CRAMP1: variants seen among roughly 807,000 people sequenced by gnomAD.
The protein encoded by CRAMP1 is cramped chromatin regulator 1.
CRAMP1 carries 50 observed loss-of-function variants against 115.4 expected under a neutral mutation model. The observed-to-expected ratio is 0.43, with a 90% confidence interval of 0.35 to 0.55. The LOEUF (loss-of-function observed/expected upper bound fraction) is 0.55, where lower values mean the gene tolerates loss of function less well. CRAMP1 is among the 20% of genes least tolerant of loss of function. The pLI is 0.01. For synonymous variants in CRAMP1, 866 were observed against 745.4 expected (o/e 1.16, Z -2.64); for missense variants, 1,679 against 1,721.7 (o/e 0.98, Z 0.44).
chr16:1,633,078 C>T (rs1007396104), intron 4 of CRAMP1, among the ~76,000 whole-genome samples: 3 of 152,242 alleles, frequency 2.0e-5, no homozygotes, highest in Non-Finnish European at 4.4e-5. Context: ...ACCCCTCTGC[C>T]TTCTGAGCCT....
rs2036901923 is a variant in CRAMP1 at position 1,669,212 on chromosome 16, G to C, written c.3499+47G>C. The stretch of plus-strand genomic sequence containing the variant: ...CCATCTCCTTTTCCAGGGCAGCAGG[G>C]GCTGGGGTCTGCGGGACACTGGATT... On this transcript the variant is annotated intron_variant, in intron 19 of 20. Coordinates refer to ENST00000397412, the MANE Select transcript of CRAMP1 (RefSeq NM_020825.4). This position sits in a 1 kb window ranked among gnomAD's most constrained non-coding sequence, Gnocchi z 4.6. 1.4e-6 allele frequency: 2 copies of C among 1,447,226 alleles called. No individual in the cohort carries two copies. The highest frequency in any genetic ancestry group is 1.9e-6 in the Non-Finnish European group (2 of 1,076,506). The allele number at this position is 1,447,226 out of a possible 1,614,324, so 89.6% of individuals were successfully genotyped here. A position where few individuals can be genotyped will look rare whatever the true frequency, so the allele number is the denominator to read the frequency against.
chr16:1,655,597 G>C (rs942773134), intron 9 of CRAMP1, among the ~76,000 whole-genome samples: 1 of 152,162 alleles, frequency 6.6e-6, no homozygotes, highest in Non-Finnish European at 1.5e-5. Flanking sequence ...TGAGCAAAAC[G>C]ACCAAGGGTC....
rs947619230 is a variant in CRAMP1 at position 1,670,745 on chromosome 16, C to T, written c.3581C>T (p.Pro1194Leu). The change falls in exon 20 of 21, where the codon CCC becomes CTC. Residue 1194 changes from proline (P) to leucine (L), a missense_variant. Pro to Leu is a moderately conservative substitution (Grantham distance 98, BLOSUM62 -3). This residue lies in a region of CRAMP1 where 709 missense variants were observed against 741.9 expected (regional missense o/e 0.96). Coordinates refer to ENST00000397412, the MANE Select transcript of CRAMP1 (RefSeq NM_020825.4). ...GTNSGTSLLG[P>L]SLLDGNSRDS... ...AACAGTGGCACTTCCTTGCTTGGCCCCAGCTTGTTGGATGGAAACTCGCGG... is the reference window on the plus strand; with the variant it reads ...AACAGTGGCACTTCCTTGCTTGGCCTCAGCTTGTTGGATGGAAACTCGCGG... 1 of 1,613,892 alleles carries T rather than the reference C, an allele frequency of 6.2e-7. No homozygotes were observed. Among genetic ancestry groups the T allele is most frequent in the East Asian group, 2.2e-5 (1 of 44,890 alleles).
intron 10 of CRAMP1, among the ~76,000 whole-genome samples, chr16:1,658,520 C>G (rs913811687): frequency 6.6e-6 from 1 of 152,024 alleles, no homozygotes; most frequent in Non-Finnish European, 1.5e-5. Flanking sequence ...CCCCTGGGAG[C>G]TAGTTAGGGA....
intron 14 of CRAMP1, chr16:1,665,653 A>G (rs561555069): frequency 5.4e-5 from 12 of 221,738 alleles, no homozygotes; most frequent in South Asian, 1.6e-4. Flanking sequence ...ACAGCTGTCA[A>G]TTGCTTTTTC....
At chr16:1,622,295 C>A (rs577573798) in intron 2 of CRAMP1, among the ~76,000 whole-genome samples, 26 of 152,312 alleles carry the variant, frequency 1.7e-4, no homozygotes, top group African/African-American at 6.3e-4. Context: ...GGAGGATTAT[C>A]TGAGTTCAGG....
chr16:1,659,589 G>A (rs1334796939), intron 10 of CRAMP1, among the ~76,000 whole-genome samples: 2 of 152,020 alleles, frequency 1.3e-5, no homozygotes, highest in Admixed American at 6.5e-5. Flanking sequence ...GCGTTTCACC[G>A]TGTTAGCCAG....
chr16:1,664,608 G>A (rs916485004), intron 13 of CRAMP1, among the ~76,000 whole-genome samples: 4 of 152,148 alleles, frequency 2.6e-5, no homozygotes, highest in African/African-American at 7.2e-5. Context: ...GAGAAACCCC[G>A]TCTCTACTAA....
At chr16:1,623,053 C>T (rs559385923) in intron 2 of CRAMP1, among the ~76,000 whole-genome samples, 10 of 152,204 alleles carry the variant, frequency 6.6e-5, no homozygotes, top group South Asian at 4.1e-4. Flanking sequence ...CCCACCACCA[C>T]GCCCGGTTAA....
At chr16:1,619,721 A>T (rs1276383862) in intron 2 of CRAMP1, among the ~76,000 whole-genome samples, 3 of 152,200 alleles carry the variant, frequency 2.0e-5, no homozygotes. Context: ...CGCTGGTCAG[A>T]GCATGCAGGA....
intron 2 of CRAMP1, among the ~76,000 whole-genome samples, chr16:1,623,577 G>A (rs953960686): frequency 2.0e-5 from 3 of 152,250 alleles, no homozygotes; most frequent in South Asian, 2.1e-4. Flanking sequence ...GGGCTGGTTA[G>A]CAAGTTGTGG....
chr16:1,631,252 C>G (rs993511883), intron 3 of CRAMP1, among the ~76,000 whole-genome samples: 1 of 152,260 alleles, frequency 6.6e-6, no homozygotes, highest in African/African-American at 2.4e-5. Context: ...CAGATGTTGG[C>G]TTTATTCTGG....
intron 6 of CRAMP1, among the ~76,000 whole-genome samples, chr16:1,646,623 G>C (rs781638980): frequency 9.9e-5 from 15 of 152,130 alleles, no homozygotes; most frequent in Non-Finnish European, 2.1e-4. Context: ...CTGTCTTTTT[G>C]TTCACTTACT....
At chr16:1,641,479 G>A (rs2036631718) in intron 6 of CRAMP1, among the ~76,000 whole-genome samples, 2 of 152,158 alleles carry the variant, frequency 1.3e-5, no homozygotes, top group Admixed American at 1.3e-4. Context: ...CCTGCTTTTT[G>A]TGCTCCTTTT....
intron 14 of CRAMP1, chr16:1,665,864 A>G: frequency 1.8e-6 from 1 of 571,166 alleles, no homozygotes; most frequent in Non-Finnish European, 3.1e-6. Flanking sequence ...TGGGAGGCAC[A>G]GTGGTGGGTG....
At position 1,652,586 on chromosome 16, in the gene CRAMP1, G is replaced by A. The variant is rs1443760208; in HGVS notation, c.913+5G>A. On this transcript the variant is annotated splice_donor_5th_base_variant and intron_variant, in intron 7 of 20. Coordinates refer to ENST00000397412, the MANE Select transcript of CRAMP1 (RefSeq NM_020825.4). ...AGAAGCTGTGCGATCCAGATGGTAAGTGAATGGGGCGCTCCCGGGACCAGA... is the reference window on the plus strand; with the variant it reads ...AGAAGCTGTGCGATCCAGATGGTAAATGAATGGGGCGCTCCCGGGACCAGA... The A allele has an allele frequency of 6.4e-7, 1 of 1,552,026 alleles. No homozygotes were observed. Among genetic ancestry groups the A allele is most frequent in the Admixed American group, 2.0e-5 (1 of 51,102 alleles).
intron 2 of CRAMP1, among the ~76,000 whole-genome samples, chr16:1,616,084 T>A (rs1173263971): frequency 6.6e-6 from 1 of 152,260 alleles, no homozygotes; most frequent in East Asian, 1.9e-4. Flanking sequence ...AATTCTGATA[T>A]AAGTATACTT....
In CRAMP1 at chr16:1,624,187, C is replaced by T. The variant is rs1421023362; in HGVS notation, c.347-1786C>T. On this transcript the variant is annotated intron_variant, in intron 2 of 20. Coordinates refer to ENST00000397412, the MANE Select transcript of CRAMP1 (RefSeq NM_020825.4). ...TTTTTTTTTAAGCCTGAGTCTCACT[C>T]TGTTGCCCAGACTGGTGTGCAATGG... 2.0e-5 allele frequency among the ~76,000 whole-genome samples: 3 copies of T among 149,700 alleles called. 1 individual carries two copies. The highest frequency in any genetic ancestry group is 4.4e-5 in the Non-Finnish European group (3 of 67,714).
Position 1,666,150 on chromosome 16 carries a change from C to T in CRAMP1, c.2830C>T (p.Pro944Ser), listed in dbSNP as rs2142206635. ...LSRPIVPKVL[P>S]PQATSHLASA... ...TCGGCCGATCGTGCCCAAGGTCCTT[C>T]CACCCCAGGCCACGAGTCACCTGGC... Residue 944 changes from proline to serine, a missense_variant, in exon 15 of 21, where the codon CCA (proline) becomes TCA (serine). Coordinates refer to ENST00000397412, the MANE Select transcript of CRAMP1 (RefSeq NM_020825.4). This position sits in a 1 kb window ranked among gnomAD's most constrained non-coding sequence, Gnocchi z 5.0. 1 of 1,608,536 alleles carries T rather than the reference C, an allele frequency of 6.2e-7. No individual in the cohort carries two copies. The highest frequency in any genetic ancestry group is 2.2e-5 in the East Asian group (1 of 44,678).
Sources: allele counts gnomAD v4.1 joint callset (sites outside exome capture counted in the v4.1 genomes callset), GRCh38; gene constraint gnomAD v4.1.1; regional missense constraint gnomAD v4.1.1; non-coding constraint Gnocchi (gnomAD v3.1); transcripts MANE v1.5; gene names NCBI Gene and HGNC (gene_info 2026-07-23, HGNC 2026-07-21).